The following SMCO4 variants were observed in gnomAD, a reference collection of about 807,000 sequenced individuals.
SMCO4 encodes the protein single-pass membrane and coiled-coil domain-containing protein 4.
In SMCO4, 4 loss-of-function variants were observed where a neutral mutation model predicts 3.6. That is an observed-to-expected ratio of 1.11 (90% CI 0.54 to 2.53). The LOEUF (loss-of-function observed/expected upper bound fraction) is 2.53, where lower values mean the gene tolerates loss of function less well. Among genes scored for constraint, SMCO4 ranks in the 30% most tolerant of loss-of-function variants. SMCO4 has a pLI of 0.02. For synonymous variants in SMCO4, 36 were observed against 35.3 expected (o/e 1.02, Z -0.07); for missense variants, 70 against 80.8 (o/e 0.87, Z 0.51).
the SMCO4 span, among the ~76,000 whole-genome samples, chr11:93,553,037 A>C: frequency 6.6e-6 from 1 of 152,208 alleles, no homozygotes; most frequent in Non-Finnish European, 1.5e-5. Flanking sequence ...GAGCTTACTC[A>C]TTCCAGGCAT....
chr11:93,479,324 A>G (rs1948564396), intron 2 of SMCO4, 55 bp from the exon 3 acceptor site: 3 of 1,406,282 alleles, frequency 2.1e-6, no homozygotes, highest in African/African-American at 1.4e-5. Context: ...AGAAAAAATA[A>G]ATCACTTAAA....
intron 2 of SMCO4, among the ~76,000 whole-genome samples, chr11:93,492,168 A>G (rs992265330): frequency 4.6e-5 from 7 of 152,200 alleles, no homozygotes; most frequent in African/African-American, 1.7e-4. Flanking sequence ...AAGCTCCAGC[A>G]ACCGTTCATT....
intron 1 of SMCO4, among the ~76,000 whole-genome samples, chr11:93,520,725 A>C (rs1016601936): frequency 1.3e-5 from 2 of 152,246 alleles, no homozygotes; most frequent in Admixed American, 6.5e-5. Context: ...TTTAAGGAGA[A>C]AGAAGGCTCA....
At chr11:93,542,892 C>A (rs1276877448) in intron 1 of SMCO4, among the ~76,000 whole-genome samples, 1 of 152,222 alleles carries the variant, frequency 6.6e-6, no homozygotes, top group African/African-American at 2.4e-5. Flanking sequence ...CCCGGCCGCC[C>A]CGGCCCAAGC....
chr11:93,482,272 G>A (rs532074606), intron 2 of SMCO4, among the ~76,000 whole-genome samples: 14 of 152,344 alleles, frequency 9.2e-5, no homozygotes, highest in African/African-American at 3.1e-4. Context: ...AAGCTGGGAA[G>A]AGCACCAGGC....
chr11:93,534,190 CAA>C (rs1168392909), intron 1 of SMCO4, among the ~76,000 whole-genome samples: 52,934 of 109,914 alleles, frequency 0.48, 13,221 homozygotes, highest in East Asian at 0.62. Flanking sequence ...GACTCCGTCT[CAA>C]AAAAAAAAAA....
At chr11:93,532,318 C>G (rs2608271) in intron 1 of SMCO4, among the ~76,000 whole-genome samples, 52,133 of 152,104 alleles carry the variant, frequency 0.34, 9,099 homozygotes, top group South Asian at 0.37. Flanking sequence ...ACTACATCAT[C>G]TGGGTGTTTC....
intron 1 of SMCO4, among the ~76,000 whole-genome samples, chr11:93,531,905 C>T (rs1056056597): frequency 7.9e-5 from 12 of 152,200 alleles, no homozygotes; most frequent in African/African-American, 2.9e-4. Flanking sequence ...CAGAAGAATG[C>T]AACCATTTGT....
Position 93,478,748 on chromosome 11 carries a change from C to T in SMCO4, c.*262G>A, listed in dbSNP as rs1591298477. 1.3e-6 allele frequency: 1 copy of T among 750,422 alleles called. No homozygotes were observed. The allele number at this position is 750,422 out of a possible 1,614,324, so 46.5% of individuals were successfully genotyped here. ...ACACACACACACACACACACACACA[C>T]ACACATGCGCGCGCGCTTTGAAGTC... On this transcript the variant is annotated 3_prime_UTR_variant, in exon 3 of 3. Coordinates refer to ENST00000298966, the MANE Select transcript of SMCO4 (RefSeq NM_020179.3).
At chr11:93,518,373 G>A (rs1949028403) in intron 1 of SMCO4, among the ~76,000 whole-genome samples, 1 of 152,196 alleles carries the variant, frequency 6.6e-6, no homozygotes, top group Non-Finnish European at 1.5e-5. Flanking sequence ...ACACCTGGCT[G>A]AGTTACTTCT....
intron 2 of SMCO4, among the ~76,000 whole-genome samples, chr11:93,488,847 G>A (rs1948681607): frequency 6.6e-6 from 1 of 152,152 alleles, no homozygotes; most frequent in Non-Finnish European, 1.5e-5. Flanking sequence ...TCTAGACCTT[G>A]GGGGAGTTGA....
At chr11:93,524,394 T>C (rs1451180216) in intron 1 of SMCO4, among the ~76,000 whole-genome samples, 3 of 152,130 alleles carry the variant, frequency 2.0e-5, no homozygotes, top group Admixed American at 6.5e-5. Flanking sequence ...CAAGCTGATT[T>C]TAAACAGGCA....
intron 1 of SMCO4, among the ~76,000 whole-genome samples, chr11:93,518,863 A>G (rs1342211885): frequency 1.3e-5 from 2 of 152,208 alleles, no homozygotes; most frequent in Admixed American, 1.3e-4. Context: ...GAGGACAAGC[A>G]TAGGCCATTA....
upstream of SMCO4, among the ~76,000 whole-genome samples, chr11:93,544,182 T>G (rs1418569859): frequency 6.6e-6 from 1 of 152,210 alleles, no homozygotes; most frequent in African/African-American, 2.4e-5. Context: ...GTTGTGAGAA[T>G]TAATTGAGAT....
At chr11:93,531,695 G>T (rs972450755) in intron 1 of SMCO4, among the ~76,000 whole-genome samples, 3 of 152,070 alleles carry the variant, frequency 2.0e-5, no homozygotes, top group Non-Finnish European at 4.4e-5. Context: ...ATTTTATGGG[G>T]TTTTTTGCCA....
intron 2 of SMCO4, among the ~76,000 whole-genome samples, chr11:93,488,455 G>A (rs1183151868): frequency 1.3e-5 from 2 of 152,230 alleles, no homozygotes. Flanking sequence ...AAAACTTAAT[G>A]TTCCAGGATA....
intron 2 of SMCO4, among the ~76,000 whole-genome samples, chr11:93,493,553 C>T (rs2134585727): frequency 6.6e-6 from 1 of 152,316 alleles, no homozygotes; most frequent in South Asian, 2.1e-4. Context: ...CACCCAGATG[C>T]CTCCCTTCCT....
chr11:93,503,282 T>A (rs1183156145), intron 1 of SMCO4, among the ~76,000 whole-genome samples: 1 of 152,194 alleles, frequency 6.6e-6, no homozygotes, highest in Admixed American at 6.5e-5. Context: ...AGACAAGAGA[T>A]AATGAGAACC....
At chr11:93,543,048 C>A (rs1949284477) in intron 1 of SMCO4, among the ~76,000 whole-genome samples, 1 of 151,850 alleles carries the variant, frequency 6.6e-6, no homozygotes, top group African/African-American at 2.4e-5. Flanking sequence ...GACGGGCAGG[C>A]GAGCTCGAGT....
Sources: gnomAD v4.1 joint callset for allele counts (sites outside exome capture counted in the v4.1 genomes callset) on GRCh38, gnomAD v4.1.1 for gene constraint, MANE v1.5 for transcripts, NCBI Gene and HGNC (gene_info 2026-07-23, HGNC 2026-07-21) for gene names.